Variants in PI15 observed in about 807,000 individuals in gnomAD.
PI15 encodes the protein 25 kDa trypsin inhibitor.
Under a neutral mutation model 31.0 loss-of-function variants are expected in PI15, and 18 were observed. The ratio of observed to expected loss-of-function variants is 0.58; its 90% CI spans 0.40 to 0.86. The LOEUF (loss-of-function observed/expected upper bound fraction) is 0.86. Among genes scored for constraint, PI15 ranks in the 40% least tolerant of loss-of-function variants. The pLI, the probability that PI15 is intolerant of heterozygous loss-of-function variation, is 0.00. For missense variants in PI15, 282 were observed against 328.1 expected (o/e 0.86, Z 1.09); for synonymous variants, 118 against 119.1 (o/e 0.99, Z 0.06).
intron 2 of PI15, among the ~76,000 whole-genome samples, chr8:74,826,795 G>T (rs73689268): frequency 0.015 from 2,246 of 152,106 alleles, 56 homozygotes; most frequent in African/African-American, 0.051. Context: ...ATTGTTGTGA[G>T]AAATGTATGA....
At chr8:74,831,306 T>A (rs192497459) in intron 2 of PI15, among the ~76,000 whole-genome samples, 1 of 152,282 alleles carries the variant, frequency 6.6e-6, no homozygotes, top group East Asian at 1.9e-4. Context: ...GTTTTTTTGG[T>A]GGAAAATGAT....
chr8:74,836,634 C>T (rs1810876592), intron 2 of PI15, among the ~76,000 whole-genome samples: 1 of 152,048 alleles, frequency 6.6e-6, no homozygotes, highest in Admixed American at 6.6e-5. Context: ...AAGGAGGAAT[C>T]AGCAAAGGGA....
chr8:74,824,829 T>A (rs1338266218), intron 1 of PI15, 154 bp downstream of exon 1: 1 of 178,360 alleles, frequency 5.6e-6, no homozygotes, highest in Non-Finnish European at 1.2e-5. Flanking sequence ...ATCAGCACAT[T>A]CTCTGTTGTT....
At chr8:74,829,263 C>G (rs1438854393) in intron 2 of PI15, among the ~76,000 whole-genome samples, 2 of 151,944 alleles carry the variant, frequency 1.3e-5, no homozygotes, top group Non-Finnish European at 2.9e-5. Flanking sequence ...TGATTCCACA[C>G]CTGAATTAAA....
Position 74,849,411 on chromosome 8 carries a change from T to G in PI15, c.*158T>G. 1.9e-6 allele frequency: 1 copy of G among 515,636 alleles called. No homozygotes were observed. The highest frequency in any genetic ancestry group is 3.6e-5 in the South Asian group (1 of 28,030). 31.9% of individuals were successfully genotyped at this position (515,636 alleles called of 1,614,324 possible). On this transcript the variant is annotated 3_prime_UTR_variant, in exon 6 of 6. Transcript: ENST00000260113. ...ATAAATTAGTGTTTGTCTAGCATGTTTGTTTAATCCTTTGAAATATTTGAA... is the reference window on the plus strand; with the variant it reads ...ATAAATTAGTGTTTGTCTAGCATGTGTGTTTAATCCTTTGAAATATTTGAA...
chr8:74,840,774 G>A (rs1810933246), intron 2 of PI15, among the ~76,000 whole-genome samples: 1 of 152,094 alleles, frequency 6.6e-6, no homozygotes, highest in Non-Finnish European at 1.5e-5. Flanking sequence ...CCTTCCTTTA[G>A]GTACATGGAG....
chr8:74,840,242 G>A (rs1810927101), intron 2 of PI15, among the ~76,000 whole-genome samples: 2 of 151,962 alleles, frequency 1.3e-5, no homozygotes, highest in Non-Finnish European at 2.9e-5. Flanking sequence ...AGAAACATTT[G>A]AATAACTCTC....
At chr8:74,844,997 T>C (rs1811003509) in intron 3 of PI15, 131 bp from the exon 4 acceptor site, 1 of 745,960 alleles carries the variant, frequency 1.3e-6, no homozygotes, top group Non-Finnish European at 2.3e-6. Flanking sequence ...TGATGGTGAT[T>C]GTGAGGGGTG....
chr8:74,836,942 G>A (rs946004727), intron 2 of PI15, among the ~76,000 whole-genome samples: 6 of 152,066 alleles, frequency 3.9e-5, no homozygotes, highest in African/African-American at 1.4e-4. Context: ...GAGAAGAATG[G>A]CATAGCAGTT....
chr8:74,845,300 T>A (rs75173032), intron 4 of PI15, 40 bp downstream of exon 4: 3 of 1,595,388 alleles, frequency 1.9e-6, no homozygotes, highest in Non-Finnish European at 2.6e-6. Flanking sequence ...TTCATACTTT[T>A]AAAATATGCT....
chr8:74,842,970 C>T (rs903318091), intron 2 of PI15, among the ~76,000 whole-genome samples: 5 of 151,918 alleles, frequency 3.3e-5, no homozygotes, highest in African/African-American at 4.8e-5. Flanking sequence ...AAATTATCAT[C>T]GTATTATTTT....
intron 2 of PI15, among the ~76,000 whole-genome samples, chr8:74,843,395 T>G (rs1810972318): frequency 6.6e-6 from 1 of 152,244 alleles, no homozygotes; most frequent in African/African-American, 2.4e-5. Context: ...CTGAATTTGC[T>G]TTCTTTTAGT....
chr8:74,848,251 T>A (rs1333753768), intron 5 of PI15, among the ~76,000 whole-genome samples: 1 of 152,158 alleles, frequency 6.6e-6, no homozygotes, highest in Non-Finnish European at 1.5e-5. Context: ...TGAAATCACC[T>A]TTAATTGTTC....
Position 74,849,189 on chromosome 8 carries a change from G to T in PI15, c.713G>T (p.Gly238Val), listed in dbSNP as rs146938685. The T allele has an allele frequency of 5.0e-6, 8 of 1,611,768 alleles. No individual in the cohort carries two copies. In the African/African-American group the frequency reaches 5.3e-5, roughly 11 times the overall value. Reference sequence around the variant, plus strand: ...TCATCTTGTCCTCCAAGTTATGGGGGATCTTGTACTGACAATCTGTGTTTT... The same window carrying T: ...TCATCTTGTCCTCCAAGTTATGGGGTATCTTGTACTGACAATCTGTGTTTT... ...PCSSCPPSYG[G>V]SCTDNLCFPG... The change falls in exon 6 of 6, where the codon GGA (glycine) becomes GTA (valine). Residue 238 changes from glycine (G) to valine (V), a missense_variant. By Grantham distance (109) the Gly-to-Val change is moderately radical. Coordinates refer to ENST00000260113, the MANE Select transcript of PI15 (RefSeq NM_015886.5).
chr8:74,825,594 CAAACGACCA>C, intron 2 of PI15, 72 bp downstream of exon 2: 2 of 1,237,824 alleles, frequency 1.6e-6, no homozygotes, highest in Non-Finnish European at 2.3e-6. Flanking sequence ...TGCAGAATCT[CAAACGACCA>C]CGAGTGTTTA....
rs569067716 is a variant in PI15, at chr8:74,831,199, T to A, written c.273+5677T>A. Among the ~76,000 whole-genome samples, 36 of 152,302 alleles carry A rather than the reference T, an allele frequency of 2.4e-4. No individual in the cohort carries two copies. In the East Asian group the frequency reaches 2.5e-3, roughly 11 times the overall value. On this transcript the variant is annotated intron_variant, in intron 2 of 5. Transcript: ENST00000260113. ...TGCAAATGTAAAAGCAGTAACAGGA[T>A]GTGATTTGAAACCTCAGCATCAGGT...
At chr8:74,827,801 AT>A (rs1242074185) in intron 2 of PI15, among the ~76,000 whole-genome samples, 2 of 152,082 alleles carry the variant, frequency 1.3e-5, no homozygotes, top group African/African-American at 4.8e-5. Context: ...CATTCTTATT[AT>A]TTTTTTGAAT....
chr8:74,844,544 C>T (rs1810996291), intron 3 of PI15, among the ~76,000 whole-genome samples: 1 of 151,576 alleles, frequency 6.6e-6, no homozygotes, highest in African/African-American at 2.4e-5. Context: ...AAAATGTAGG[C>T]ATTTACATAT....
At chr8:74,846,289 G>A (rs1167105288) in intron 5 of PI15, among the ~76,000 whole-genome samples, 1 of 152,160 alleles carries the variant, frequency 6.6e-6, no homozygotes, top group Non-Finnish European at 1.5e-5. Flanking sequence ...TAGTATGCCA[G>A]TGGCAGTGCT....
Sources: allele counts gnomAD v4.1 joint callset (sites outside exome capture counted in the v4.1 genomes callset), GRCh38; gene constraint gnomAD v4.1.1; transcripts MANE v1.5; gene names NCBI Gene and HGNC (gene_info 2026-07-23, HGNC 2026-07-21).